Variants in TENM3 observed in about 807,000 individuals in gnomAD.
The protein encoded by TENM3 is teneurin transmembrane protein 3.
In TENM3, 63 loss-of-function variants were observed where a neutral mutation model predicts 255.1. That is an observed-to-expected ratio of 0.25 (90% CI 0.20 to 0.30). The LOEUF (loss-of-function observed/expected upper bound fraction) is 0.30, where lower values mean the gene tolerates loss of function less well. TENM3 is among the 10% of genes least tolerant of loss of function. The pLI, the probability that TENM3 is intolerant of heterozygous loss-of-function variation, is 1.00. For missense variants in TENM3, 2,929 were observed against 3,461.1 expected (o/e 0.85, Z 3.86); for synonymous variants, 1,306 against 1,322.3 (o/e 0.99, Z 0.27).
chr4:182,488,819 G>A (rs1198575655), intron 3 of TENM3, among the ~76,000 whole-genome samples: 1 of 152,038 alleles, frequency 6.6e-6, no homozygotes, highest in Non-Finnish European at 1.5e-5. Flanking sequence ...TATGAAACCA[G>A]AACGCATTAG....
At chr4:182,064,344 T>C in the TENM3 span, among the ~76,000 whole-genome samples, 2 of 152,032 alleles carry the variant, frequency 1.3e-5, no homozygotes, top group Non-Finnish European at 2.9e-5. Flanking sequence ...TTTGGGAGGC[T>C]GAGAAGGGCG....
the TENM3 span, among the ~76,000 whole-genome samples, chr4:182,074,792 A>G: frequency 6.6e-6 from 1 of 152,162 alleles, no homozygotes; most frequent in Non-Finnish European, 1.5e-5. Context: ...GATCTATCAC[A>G]CTCCAATTAA....
chr4:182,397,063 A>T (rs556885458), intron 3 of TENM3, among the ~76,000 whole-genome samples: 1 of 152,212 alleles, frequency 6.6e-6, no homozygotes, highest in South Asian at 2.1e-4. Context: ...TTGGAATCAC[A>T]TGTATAATCA....
chr4:182,088,851 A>AG, the TENM3 span, among the ~76,000 whole-genome samples: 26,172 of 150,550 alleles, frequency 0.17, 2,423 homozygotes, highest in Non-Finnish European at 0.21. Flanking sequence ...AAAAAAAAAA[A>AG]AGAGAGAGAC....
At chr4:181,532,958 G>A in the TENM3 span, among the ~76,000 whole-genome samples, 1 of 152,126 alleles carries the variant, frequency 6.6e-6, no homozygotes, top group African/African-American at 2.4e-5. Context: ...TTAAGACTGT[G>A]AAATGTTTTC....
the TENM3 span, among the ~76,000 whole-genome samples, chr4:182,055,514 T>C: frequency 1.3e-5 from 2 of 152,132 alleles, no homozygotes; most frequent in Non-Finnish European, 2.9e-5. Context: ...GCCTTGATGA[T>C]CCTTGCCTCC....
chr4:182,710,249 T>C (rs1561141862), intron 12 of TENM3, among the ~76,000 whole-genome samples: 3 of 152,214 alleles, frequency 2.0e-5, no homozygotes, highest in Non-Finnish European at 1.5e-5. Context: ...TCGATGGCAC[T>C]TTCTTTATGT....
chr4:182,303,773 A>G (rs532120970), intron 1 of TENM3, among the ~76,000 whole-genome samples: 1 of 152,354 alleles, frequency 6.6e-6, no homozygotes, highest in Non-Finnish European at 1.5e-5. Flanking sequence ...GAGGTACTCA[A>G]TACATTTTAG....
intron 4 of TENM3, among the ~76,000 whole-genome samples, chr4:182,618,262 G>A (rs1749735498): frequency 6.6e-6 from 1 of 151,798 alleles, no homozygotes. Flanking sequence ...CTTTTCAATT[G>A]GGTCCCTATA....
chr4:182,519,088 A>T (rs1738293183), intron 3 of TENM3, among the ~76,000 whole-genome samples: 1 of 152,154 alleles, frequency 6.6e-6, no homozygotes, highest in African/African-American at 2.4e-5. Context: ...GTAGCCATCA[A>T]GCACTTGCAT....
chr4:182,463,294 T>A (rs1319785500), intron 3 of TENM3, among the ~76,000 whole-genome samples: 1 of 152,172 alleles, frequency 6.6e-6, no homozygotes, highest in Admixed American at 6.5e-5. Flanking sequence ...TTCTGTGAGA[T>A]CACCTTGAAA....
the TENM3 span, among the ~76,000 whole-genome samples, chr4:181,890,633 C>T: frequency 7.9e-5 from 12 of 151,688 alleles, no homozygotes; most frequent in Non-Finnish European, 1.6e-4. Context: ...CTAAACTGTG[C>T]CCCCACTCTA....
chr4:181,518,947 T>C, the TENM3 span, among the ~76,000 whole-genome samples: 1 of 152,184 alleles, frequency 6.6e-6, no homozygotes, highest in Non-Finnish European at 1.5e-5. Context: ...GCTGTTTAAA[T>C]ACGTTGAATA....
At chr4:181,915,012 C>T in the TENM3 span, among the ~76,000 whole-genome samples, 3 of 152,130 alleles carry the variant, frequency 2.0e-5, no homozygotes, top group African/African-American at 7.2e-5. Flanking sequence ...TCACGGAAGT[C>T]AAGTTTGAGC....
chr4:182,277,251 A>G (rs1760064231), intron 1 of TENM3, among the ~76,000 whole-genome samples: 1 of 152,148 alleles, frequency 6.6e-6, no homozygotes, highest in South Asian at 2.1e-4. Flanking sequence ...ATTAGATAGC[A>G]ATGTTAACCA....
At chr4:182,103,066 GT>G in the TENM3 span, among the ~76,000 whole-genome samples, 5 of 152,218 alleles carry the variant, frequency 3.3e-5, no homozygotes, top group South Asian at 1.0e-3. Context: ...ACAAAATAAT[GT>G]TTTTTACAAG....
chr4:182,633,260 C>G (rs116250451), intron 5 of TENM3, among the ~76,000 whole-genome samples: 2 of 152,156 alleles, frequency 1.3e-5, no homozygotes, highest in Non-Finnish European at 2.9e-5. Flanking sequence ...TGTTCTTCAA[C>G]TTACTCTGGT....
chr4:181,741,654 G>T, the TENM3 span, among the ~76,000 whole-genome samples: 1 of 152,198 alleles, frequency 6.6e-6, no homozygotes, highest in African/African-American at 2.4e-5. Context: ...CGTGTTGGAT[G>T]ATCAGAGTGC....
chr4:182,745,790 T>A (rs991644338), intron 19 of TENM3, among the ~76,000 whole-genome samples: 1 of 145,552 alleles, frequency 6.9e-6, no homozygotes, highest in African/African-American at 2.6e-5. Flanking sequence ...TTTTACCTGT[T>A]ATTTAAAGCC....
Sources: gnomAD v4.1 joint callset for allele counts (sites outside exome capture counted in the v4.1 genomes callset) on GRCh38, gnomAD v4.1.1 for gene constraint, MANE v1.5 for transcripts, NCBI Gene and HGNC (gene_info 2026-07-23, HGNC 2026-07-21) for gene names.